Variants in DSG2 observed in about 807,000 individuals in gnomAD.
DSG2 encodes the protein desmoglein-2.
In DSG2, 45 loss-of-function variants were observed where a neutral mutation model predicts 75.6. The observed-to-expected ratio is 0.60, with a 90% CI of 0.47 to 0.76. The LOEUF (loss-of-function observed/expected upper bound fraction) is 0.76. DSG2 is among the 30% of genes least tolerant of loss of function. The probability of loss-of-function intolerance (pLI) is 0.00; values close to 1 mark genes in which losing one functional copy is unlikely to be tolerated. For missense variants in DSG2, 1,267 were observed against 1,357.4 expected (o/e 0.93, Z 1.05); for synonymous variants, 429 against 483.9 (o/e 0.89, Z 1.49).
intron 1 of DSG2, among the ~76,000 whole-genome samples, chr18:31,503,859 A>G (rs999181064): frequency 2.6e-5 from 4 of 152,128 alleles, no homozygotes; most frequent in Non-Finnish European, 5.9e-5. Flanking sequence ...TGCCCCTGGT[A>G]TTTAGTTCCC....
At chr18:31,523,360 C>T (rs763847717) in intron 6 of DSG2, among the ~76,000 whole-genome samples, 10 of 152,098 alleles carry the variant, frequency 6.6e-5, no homozygotes, top group Non-Finnish European at 1.3e-4. Flanking sequence ...GAGATCGCGC[C>T]ACTGCACTCC....
intron 9 of DSG2, among the ~76,000 whole-genome samples, chr18:31,531,738 C>T (rs2073200178): frequency 6.6e-6 from 1 of 152,168 alleles, no homozygotes; most frequent in Admixed American, 6.5e-5. Context: ...GATTAATGAG[C>T]CTCCTACACT....
At chr18:31,541,406 AAAGT>A in intron 13 of DSG2, 92 bp downstream of exon 13, 9 of 1,488,602 alleles carry the variant, frequency 6.0e-6, no homozygotes, top group Non-Finnish European at 8.3e-6. Flanking sequence ...TTGAGTGAGT[AAAGT>A]GATCACTATG....
intron 9 of DSG2, among the ~76,000 whole-genome samples, chr18:31,534,673 G>A (rs1046469620): frequency 3.3e-5 from 5 of 151,894 alleles, no homozygotes; most frequent in African/African-American, 9.7e-5. Context: ...ACCATGCCCG[G>A]CATTTTTTGT....
Position 31,521,202 on chromosome 18 carries a change from AG to A in DSG2, c.484del (p.Asp162MetfsTer10), listed in dbSNP as rs1158782181. On this transcript the variant is annotated frameshift_variant, in exon 5 of 15. Transcript: ENST00000261590. LOFTEE classifies it high-confidence loss of function. ...AATGACAACGAACCAGTGTTCACACAGGATGTCTTTGTTGGGTCTGTTGAAG... is the reference window on the plus strand; with the variant it reads ...AATGACAACGAACCAGTGTTCACACAGATGTCTTTGTTGGGTCTGTTGAAG... ...DINDNEPVFT[Q>X]DVFVGSVEEL... 5 of 1,613,896 alleles carry A rather than the reference AG, an allele frequency of 3.1e-6. No individual in the cohort carries two copies. Among genetic ancestry groups the A allele is most frequent in the Non-Finnish European group, 4.2e-6 (5 of 1,179,890 alleles).
At chr18:31,542,244 G>C (rs1030057976) in intron 13 of DSG2, 2 of 508,598 alleles carry the variant, frequency 3.9e-6, no homozygotes, top group Non-Finnish European at 7.1e-6. Context: ...TGTAGAGGGA[G>C]GTTGAAATGC....
intron 6 of DSG2, among the ~76,000 whole-genome samples, chr18:31,523,134 G>A (rs960242216): frequency 2.6e-5 from 4 of 152,164 alleles, no homozygotes; most frequent in Non-Finnish European, 5.9e-5. Flanking sequence ...GGGCGTGGTG[G>A]CTCATGCCTG....
chr18:31,536,302 C>T lies in DSG2; in HGVS notation c.1524C>T (p.His508=), dbSNP rs560004953. 75 of 1,614,156 alleles carry T rather than the reference C, an allele frequency of 4.6e-5. No individual in the cohort carries two copies. The highest frequency in any genetic ancestry group is 2.6e-4 in the South Asian group (24 of 91,082). Residue 508 remains histidine, a synonymous_variant, in exon 11 of 15, where the codon CAC becomes CAT. Coordinates refer to ENST00000261590, the MANE Select transcript of DSG2 (RefSeq NM_001943.5). ...TAGAGCCTGTGCAGACAATCTGTCA[C>T]GATGCAGAGTATGTGAATGTTACTG... is the stretch of plus-strand genomic sequence containing the variant. ...TLIEPVQTIC[H]DAEYVNVTAE... is the part of the protein sequence containing the mutation.
rs184100321 is a variant in DSG2 at position 31,522,160 on chromosome 18, G to A, written c.601G>A (p.Val201Ile). 1.6e-5 allele frequency: 26 copies of A among 1,613,708 alleles called. No individual in the cohort carries two copies. Among genetic ancestry groups the A allele is most frequent in the South Asian group, 5.5e-5 (5 of 91,072 alleles). Reference protein sequence around the residue: ...TLNSKISYRIVSLEPAYPPVF... With the variant: ...TLNSKISYRIISLEPAYPPVF... ...GAATTCGAAAATTTCCTATAGAATCGTATCTCTGGAGCCTGCTTATCCTCC... is the reference window on the plus strand; with the variant it reads ...GAATTCGAAAATTTCCTATAGAATCATATCTCTGGAGCCTGCTTATCCTCC... The change falls in exon 6 of 15, where the codon GTA becomes ATA. Residue 201 changes from valine (V) to isoleucine (I), a missense_variant. Transcript: ENST00000261590.
chr18:31,543,777 G>T (rs1005585052), intron 14 of DSG2, among the ~76,000 whole-genome samples: 5 of 151,052 alleles, frequency 3.3e-5, no homozygotes, highest in Middle Eastern at 6.8e-3. Context: ...GAGGTAGGGG[G>T]ATCACTTGAG....
chr18:31,508,531 T>C (rs932696749), intron 1 of DSG2, among the ~76,000 whole-genome samples: 7 of 151,924 alleles, frequency 4.6e-5, no homozygotes, highest in African/African-American at 1.7e-4. Flanking sequence ...GTAGCTGGGA[T>C]TACAGGCATG....
intron 11 of DSG2, 52 bp from the exon 12 acceptor site, chr18:31,538,699 T>A: frequency 1.4e-6 from 2 of 1,425,860 alleles, no homozygotes; most frequent in Non-Finnish European, 2.0e-6. Flanking sequence ...TAATGTTGCC[T>A]CATCCTTGGT....
intron 9 of DSG2, among the ~76,000 whole-genome samples, chr18:31,534,955 A>G (rs1431479145): frequency 6.6e-6 from 1 of 152,256 alleles, no homozygotes; most frequent in Non-Finnish European, 1.5e-5. Context: ...TTTAAGGGAC[A>G]CTAAATCAAA....
At chr18:31,520,766 A>C in intron 3 of DSG2, 37 bp from the exon 4 acceptor site, 1 of 1,606,720 alleles carries the variant, frequency 6.2e-7, no homozygotes, top group Non-Finnish European at 8.5e-7. Flanking sequence ...AATTACAGAG[A>C]GTTCAACCTG....
intron 7 of DSG2, 49 bp downstream of exon 7, chr18:31,524,634 C>A: frequency 1.9e-6 from 3 of 1,601,172 alleles, no homozygotes; most frequent in South Asian, 1.1e-5. Context: ...ATATTTCAGT[C>A]CTAATTAAAA....
chr18:31,516,335 A>T (rs1049927652), intron 1 of DSG2, among the ~76,000 whole-genome samples: 1 of 152,188 alleles, frequency 6.6e-6, no homozygotes, highest in African/African-American at 2.4e-5. Flanking sequence ...GAAAGGAGTC[A>T]GGACACCTCT....
chr18:31,542,697 G>A lies in DSG2; in HGVS notation c.2179G>A (p.Gly727Ser), dbSNP rs755555966. ...RWEEHRSLLS[G>S]RATQFTGATG... Reference sequence around the variant, plus strand: ...GGAAGAACACAGAAGCCTGCTTTCTGGTAGAGCTACCCAGTTTACAGGGGC... The same window carrying A: ...GGAAGAACACAGAAGCCTGCTTTCTAGTAGAGCTACCCAGTTTACAGGGGC... The change falls in exon 14 of 15, where the codon GGT (glycine) becomes AGT (serine). Residue 727 changes from glycine to serine, a missense_variant. Transcript: ENST00000261590. The A allele has an allele frequency of 7.4e-6, 12 of 1,614,164 alleles. No individual in the cohort carries two copies. In the South Asian group the frequency reaches 1.3e-4, roughly 18 times the overall value.
At chr18:31,501,876 T>C (rs1404569651) in intron 1 of DSG2, among the ~76,000 whole-genome samples, 3 of 152,220 alleles carry the variant, frequency 2.0e-5, no homozygotes, top group Admixed American at 6.5e-5. Flanking sequence ...AACAAGTGGA[T>C]TCAAGTATCT....
At position 31,520,714 on chromosome 18, in the gene DSG2, G is replaced by C. The variant is rs188309687; in HGVS notation, c.217-89G>C. 3.2e-3 allele frequency: 4,338 copies of C among 1,360,780 alleles called. 15 individuals are homozygous for C. The highest frequency in any genetic ancestry group is 4.2e-3 in the Non-Finnish European group (4,100 of 974,332). The allele number at this position is 1,360,780 out of a possible 1,614,324, so 84.3% of individuals were successfully genotyped here. A position where few individuals can be genotyped will look rare whatever the true frequency, so the allele number is the denominator to read the frequency against. On this transcript the variant is annotated intron_variant, in intron 3 of 14. Transcript: ENST00000261590. Reference sequence around the variant, plus strand: ...TAAAAATATTTACCTGTAAATTATAGAGAATCACTTCTTAGGCTTTTGGCT... The same window carrying C: ...TAAAAATATTTACCTGTAAATTATACAGAATCACTTCTTAGGCTTTTGGCT...
Sources: gnomAD v4.1 joint callset for allele counts (sites outside exome capture counted in the v4.1 genomes callset) on GRCh38, gnomAD v4.1.1 for gene constraint, MANE v1.5 for transcripts, NCBI Gene and HGNC (gene_info 2026-07-23, HGNC 2026-07-21) for gene names.